Variants in TENM3 observed in about 807,000 individuals in gnomAD.
The protein encoded by TENM3 is teneurin-3.
A neutral mutation model predicts 255.1 loss-of-function variants in TENM3; 63 were observed. The ratio of observed to expected loss-of-function variants is 0.25; its 90% CI spans 0.20 to 0.30. TENM3 has a LOEUF of 0.30. TENM3 is among the 10% of genes least tolerant of loss of function. TENM3 has a pLI of 1.00. For synonymous variants in TENM3, 1,306 were observed against 1,322.3 expected (o/e 0.99, Z 0.27); for missense variants, 2,929 against 3,461.1 (o/e 0.85, Z 3.86).
intron 26 of TENM3, among the ~76,000 whole-genome samples, chr4:182,794,594 A>G (rs574746091): frequency 6.6e-6 from 1 of 152,348 alleles, no homozygotes; most frequent in South Asian, 2.1e-4. Flanking sequence ...TTGCCAGTGC[A>G]GTTCTTGCAT....
the TENM3 span, among the ~76,000 whole-genome samples, chr4:181,826,164 C>T: frequency 6.6e-6 from 1 of 151,858 alleles, no homozygotes; most frequent in African/African-American, 2.4e-5. Context: ...GAAGCCATAA[C>T]TTGTAATAAA....
At chr4:181,668,903 C>T in the TENM3 span, among the ~76,000 whole-genome samples, 2 of 152,272 alleles carry the variant, frequency 1.3e-5, no homozygotes, top group South Asian at 4.2e-4. Flanking sequence ...ACTTACACCT[C>T]ACTAGCTGGA....
chr4:182,705,478 C>T (rs1461571185), intron 12 of TENM3, among the ~76,000 whole-genome samples: 1 of 152,168 alleles, frequency 6.6e-6, no homozygotes, highest in African/African-American at 2.4e-5. Context: ...ATGCCTCCAC[C>T]AAGCGCATTG....
chr4:182,754,956 A>T lies in TENM3; in HGVS notation c.4589A>T (p.His1530Leu). 6.2e-7 allele frequency: 1 copy of T among 1,614,010 alleles called. No individual in the cohort carries two copies. The highest frequency in any genetic ancestry group is 8.5e-7 in the Non-Finnish European group (1 of 1,179,878). Residue 1530 changes from histidine (H) to leucine (L), a missense_variant, in exon 22 of 28, where the codon CAC (histidine) becomes CTC (leucine). Transcript: ENST00000511685. The surrounding 1 kb of genome is among the most constrained non-coding windows in gnomAD (Gnocchi z 5.1). ...ELYIFDINGT[H>L]QYTVSLVTGD... ...TACATCTTTGACATCAATGGTACTCACCAATATACTGTAAGTTTAGTCACT... is the reference window on the plus strand; with the variant it reads ...TACATCTTTGACATCAATGGTACTCTCCAATATACTGTAAGTTTAGTCACT...
intron 3 of TENM3, among the ~76,000 whole-genome samples, chr4:182,390,179 A>G (rs1390731632): frequency 1.3e-5 from 2 of 152,166 alleles, no homozygotes; most frequent in African/African-American, 2.4e-5. Flanking sequence ...TCCTTAGTTC[A>G]GAGAGTTCTT....
At chr4:181,527,058 C>T in the TENM3 span, among the ~76,000 whole-genome samples, 4 of 150,230 alleles carry the variant, frequency 2.7e-5, no homozygotes, top group Non-Finnish European at 3.0e-5. Flanking sequence ...AAGCTCACTC[C>T]TCTGGCCCCC....
the TENM3 span, among the ~76,000 whole-genome samples, chr4:181,786,097 G>C: frequency 6.6e-6 from 1 of 152,134 alleles, no homozygotes; most frequent in Non-Finnish European, 1.5e-5. Context: ...GGAGGAAAAT[G>C]CTACACCAGT....
At chr4:182,442,821 T>TAC (rs1200227188) in intron 3 of TENM3, among the ~76,000 whole-genome samples, 2 of 141,712 alleles carry the variant, frequency 1.4e-5, no homozygotes, top group Non-Finnish European at 3.0e-5. Context: ...CACATATATA[T>TAC]ACATATATAT....
chr4:181,463,759 G>C, the TENM3 span, among the ~76,000 whole-genome samples: 2 of 152,000 alleles, frequency 1.3e-5, no homozygotes, highest in African/African-American at 4.8e-5. Context: ...TAAAACATTT[G>C]TATCACCCTC....
the TENM3 span, among the ~76,000 whole-genome samples, chr4:181,966,726 A>G: frequency 1.3e-5 from 2 of 152,236 alleles, no homozygotes; most frequent in African/African-American, 4.8e-5. Flanking sequence ...CTGAGAGAAT[A>G]AAAACAAGTC....
chr4:182,729,912 G>T (rs1281673594), intron 14 of TENM3, among the ~76,000 whole-genome samples: 1 of 152,066 alleles, frequency 6.6e-6, no homozygotes, highest in Non-Finnish European at 1.5e-5. Context: ...AAAGCACAGA[G>T]TTTATCATTT....
the TENM3 span, among the ~76,000 whole-genome samples, chr4:181,836,059 G>A: frequency 6.6e-6 from 1 of 151,992 alleles, no homozygotes. Context: ...AGTCCTATGG[G>A]TACTACCTGA....
At chr4:182,403,157 C>T (rs868768878) in intron 3 of TENM3, among the ~76,000 whole-genome samples, 6 of 152,166 alleles carry the variant, frequency 3.9e-5, no homozygotes, top group Non-Finnish European at 8.8e-5. Context: ...TTGGCAAATA[C>T]GGCAGCTCAG....
the TENM3 span, among the ~76,000 whole-genome samples, chr4:181,675,234 G>A: frequency 2.0e-4 from 31 of 151,882 alleles, no homozygotes; most frequent in Non-Finnish European, 3.7e-4. Flanking sequence ...GGAAGATAGA[G>A]CTTTTTTTAA....
the TENM3 span, among the ~76,000 whole-genome samples, chr4:181,538,510 T>G: frequency 6.7e-6 from 1 of 148,210 alleles, no homozygotes. Context: ...CTCAGTGCCA[T>G]GTGGGAAGCA....
chr4:182,003,485 A>G, the TENM3 span, among the ~76,000 whole-genome samples: 1 of 152,160 alleles, frequency 6.6e-6, no homozygotes, highest in Non-Finnish European at 1.5e-5. Context: ...ATACCTCATA[A>G]TTAATTATAA....
chr4:181,647,627 A>G, the TENM3 span, among the ~76,000 whole-genome samples: 1 of 152,168 alleles, frequency 6.6e-6, no homozygotes, highest in Admixed American at 6.5e-5. Context: ...GTGTCATGAA[A>G]TTTGCAAGAG....
At chr4:181,494,599 T>C in the TENM3 span, among the ~76,000 whole-genome samples, 1 of 152,162 alleles carries the variant, frequency 6.6e-6, no homozygotes, top group African/African-American at 2.4e-5. Flanking sequence ...CTTCTCTTTT[T>C]CTTATTGCCC....
rs776843416 is a variant in TENM3 at position 182,752,081 on chromosome 4, A to AG, written c.3862+49_3862+50insG. On this transcript the variant is annotated intron_variant, in intron 20 of 27. Coordinates refer to ENST00000511685, the MANE Select transcript of TENM3 (RefSeq NM_001080477.4). Reference sequence around the variant, plus strand: ...GATTTCTTTTTATTTATTAAAAAAAAAAAAAAAGGGGTTGAAAATCCATTT... The same window carrying AG: ...GATTTCTTTTTATTTATTAAAAAAAAGAAAAAAAGGGGTTGAAAATCCATTT... 10 of 1,168,082 alleles carry AG rather than the reference A, an allele frequency of 8.6e-6. No individual in the cohort carries two copies. In the African/African-American group the frequency reaches 1.1e-4, roughly 13 times the overall value. The allele number at this position is 1,168,082 out of a possible 1,614,324, so 72.4% of individuals were successfully genotyped here. A position where few individuals can be genotyped will look rare whatever the true frequency, so the allele number is the denominator to read the frequency against.
Sources: allele counts gnomAD v4.1 joint callset (sites outside exome capture counted in the v4.1 genomes callset), GRCh38; gene constraint gnomAD v4.1.1; non-coding constraint Gnocchi (gnomAD v3.1); transcripts MANE v1.5; gene names NCBI Gene and HGNC (gene_info 2026-07-23, HGNC 2026-07-21).